The following PDGFD variants were observed in gnomAD, a reference collection of about 807,000 sequenced individuals.
PDGFD encodes platelet-derived growth factor D.
Under a neutral mutation model 44.7 loss-of-function variants are expected in PDGFD, and 30 were observed. The observed-to-expected ratio is 0.67, with a 90% CI of 0.50 to 0.91. The LOEUF (loss-of-function observed/expected upper bound fraction) is 0.91. Among genes scored for constraint, PDGFD ranks in the 40% least tolerant of loss-of-function variants. The probability of loss-of-function intolerance (pLI) is 0.00; values close to 1 mark genes in which losing one functional copy is unlikely to be tolerated. For synonymous variants in PDGFD, 173 were observed against 168.4 expected (o/e 1.03, Z -0.21); for missense variants, 445 against 457.8 (o/e 0.97, Z 0.25).
At chr11:103,974,146 T>C (rs765317361) in intron 3 of PDGFD, among the ~76,000 whole-genome samples, 1 of 152,066 alleles carries the variant, frequency 6.6e-6, no homozygotes, top group Admixed American at 6.5e-5. Flanking sequence ...GGGAAGATAT[T>C]AAGGAGTTAG....
At chr11:103,993,885 A>C (rs1239674134) in intron 3 of PDGFD, among the ~76,000 whole-genome samples, 1 of 152,196 alleles carries the variant, frequency 6.6e-6, no homozygotes, top group African/African-American at 2.4e-5. Context: ...AGACCAACAG[A>C]CCAGTAGAAA....
intron 3 of PDGFD, 24 bp from the exon 4 acceptor site, chr11:103,947,748 G>A: frequency 1.3e-6 from 2 of 1,588,824 alleles, no homozygotes; most frequent in Non-Finnish European, 1.7e-6. Flanking sequence ...AAACATCTGT[G>A]AGTCAGTCAA....
chr11:104,122,298 G>C (rs972154837), intron 1 of PDGFD, among the ~76,000 whole-genome samples: 2 of 151,962 alleles, frequency 1.3e-5, no homozygotes, highest in African/African-American at 4.8e-5. Context: ...AAGCAACATG[G>C]TGCAGGTCAG....
At chr11:104,050,725 T>C (rs908566522) in intron 1 of PDGFD, among the ~76,000 whole-genome samples, 1 of 152,144 alleles carries the variant, frequency 6.6e-6, no homozygotes, top group Non-Finnish European at 1.5e-5. Context: ...CAATGTCCTT[T>C]AGTGTACGGA....
intron 1 of PDGFD, among the ~76,000 whole-genome samples, chr11:104,028,246 T>C (rs1197950418): frequency 6.6e-6 from 1 of 151,096 alleles, no homozygotes; most frequent in East Asian, 1.9e-4. Flanking sequence ...GGAAGGCAAC[T>C]TGTATTTAGG....
intron 1 of PDGFD, among the ~76,000 whole-genome samples, chr11:104,100,742 C>G (rs962915386): frequency 2.2e-4 from 34 of 152,134 alleles, no homozygotes; most frequent in Admixed American, 6.6e-4. Flanking sequence ...CAACAAAAAG[C>G]TTATCCACCA....
intron 1 of PDGFD, among the ~76,000 whole-genome samples, chr11:104,157,866 T>C (rs1230613809): frequency 6.6e-6 from 1 of 152,240 alleles, no homozygotes; most frequent in African/African-American, 2.4e-5. Flanking sequence ...GATTCAGTCA[T>C]TGGATACTGC....
intron 3 of PDGFD, among the ~76,000 whole-genome samples, chr11:103,976,471 C>A (rs1336791223): frequency 6.6e-6 from 1 of 152,138 alleles, no homozygotes; most frequent in Non-Finnish European, 1.5e-5. Flanking sequence ...ATGTCATCTG[C>A]AAACAGAGAC....
chr11:103,970,113 T>G (rs1859081385), intron 3 of PDGFD, among the ~76,000 whole-genome samples: 1 of 152,064 alleles, frequency 6.6e-6, no homozygotes, highest in Non-Finnish European at 1.5e-5. Context: ...AGGGCCCTGG[T>G]TAGGGCAGAT....
At chr11:103,993,964 T>TA (rs1176111625) in intron 3 of PDGFD, among the ~76,000 whole-genome samples, 1 of 150,958 alleles carries the variant, frequency 6.6e-6, no homozygotes, top group East Asian at 1.9e-4. Flanking sequence ...CTGGTGGAGG[T>TA]AAATAAGCCA....
At chr11:104,061,279 A>T (rs1426645221) in intron 1 of PDGFD, among the ~76,000 whole-genome samples, 1 of 152,198 alleles carries the variant, frequency 6.6e-6, no homozygotes, top group Non-Finnish European at 1.5e-5. Context: ...AAAGGAAAAA[A>T]AAAAGTGTTA....
At chr11:104,035,561 CTTTTT>C (rs3050598) in intron 1 of PDGFD, among the ~76,000 whole-genome samples, 39,282 of 115,662 alleles carry the variant, frequency 0.34, 6,324 homozygotes, top group Admixed American at 0.52. Context: ...ACTTCTTTTT[CTTTTT>C]TTTTTTTTTT....
At chr11:104,104,142 T>C (rs1861437717) in intron 1 of PDGFD, among the ~76,000 whole-genome samples, 1 of 152,034 alleles carries the variant, frequency 6.6e-6, no homozygotes, top group South Asian at 2.1e-4. Flanking sequence ...AAAATAGAAA[T>C]AAAGCATATA....
chr11:104,094,194 C>T (rs1455964295), intron 1 of PDGFD, among the ~76,000 whole-genome samples: 2 of 152,014 alleles, frequency 1.3e-5, no homozygotes, highest in East Asian at 3.9e-4. Context: ...GCTTTCGTGG[C>T]CATCGTATCA....
At chr11:104,084,518 C>A (rs1023887531) in intron 1 of PDGFD, among the ~76,000 whole-genome samples, 1 of 151,688 alleles carries the variant, frequency 6.6e-6, no homozygotes, top group Admixed American at 6.6e-5. Flanking sequence ...GCCTGAAAGG[C>A]ATGCAGGTGG....
At chr11:104,158,568 T>C (rs983500445) in intron 1 of PDGFD, among the ~76,000 whole-genome samples, 1 of 152,212 alleles carries the variant, frequency 6.6e-6, no homozygotes, top group African/African-American at 2.4e-5. Flanking sequence ...CGCACTGGCT[T>C]ACGCCTGTAA....
chr11:104,023,945 G>A (rs1860000443), intron 1 of PDGFD, among the ~76,000 whole-genome samples: 1 of 152,060 alleles, frequency 6.6e-6, no homozygotes, highest in Admixed American at 6.6e-5. Context: ...AAAAAAAGGT[G>A]GACAAACTTG....
At chr11:104,047,573 T>C (rs1471586903) in intron 1 of PDGFD, among the ~76,000 whole-genome samples, 1 of 147,590 alleles carries the variant, frequency 6.8e-6, no homozygotes, top group Admixed American at 6.8e-5. Context: ...TTTGCCCACT[T>C]TTTGATGGGG....
intron 1 of PDGFD, among the ~76,000 whole-genome samples, chr11:104,082,324 T>A (rs866314155): frequency 6.6e-6 from 1 of 151,890 alleles, no homozygotes; most frequent in South Asian, 2.1e-4. Flanking sequence ...AATTTCATTA[T>A]TTCCCATGGG....
Sources: gnomAD v4.1 joint callset for allele counts (sites outside exome capture counted in the v4.1 genomes callset) on GRCh38, gnomAD v4.1.1 for gene constraint, MANE v1.5 for transcripts, NCBI Gene and HGNC (gene_info 2026-07-23, HGNC 2026-07-21) for gene names.